USP47: variants seen among roughly 807,000 people sequenced by gnomAD.
USP47 encodes ubiquitin carboxyl-terminal hydrolase 47.
USP47 carries 35 observed loss-of-function variants against 165.1 expected under a neutral mutation model. The ratio of observed to expected loss-of-function variants is 0.21; its 90% CI spans 0.16 to 0.28. The LOEUF is 0.28. Among genes scored for constraint, USP47 ranks in the 10% least tolerant of loss-of-function variants. The pLI is 1.00. For synonymous variants in USP47, 531 were observed against 544.5 expected (o/e 0.98, Z 0.35); for missense variants, 1,277 against 1,607.4 (o/e 0.79, Z 3.52).
At chr11:11,931,913 T>G (rs1301217152) in intron 14 of USP47, among the ~76,000 whole-genome samples, 2 of 152,198 alleles carry the variant, frequency 1.3e-5, no homozygotes, top group African/African-American at 4.8e-5. Flanking sequence ...AATGATTTTT[T>G]GCATATACTT....
At chr11:11,919,367 C>T (rs1300915609) in intron 8 of USP47, among the ~76,000 whole-genome samples, 1 of 151,858 alleles carries the variant, frequency 6.6e-6, no homozygotes. Context: ...AAAGAGAGAA[C>T]ATCAGATGAA....
At chr11:11,846,203 T>C (rs17378517) in intron 1 of USP47, among the ~76,000 whole-genome samples, 25,061 of 152,134 alleles carry the variant, frequency 0.16, 2,501 homozygotes, top group Admixed American at 0.34. Flanking sequence ...TCTCTTTTAA[T>C]AGCATCCCAA....
intron 22 of USP47, 32 bp from the exon 23 acceptor site, chr11:11,949,857 C>G: frequency 6.9e-7 from 1 of 1,456,798 alleles, no homozygotes; most frequent in South Asian, 1.2e-5. Flanking sequence ...AGGTATAATT[C>G]AAGCTCTGAT....
At chr11:11,855,199 G>T (rs1223816844) in intron 1 of USP47, among the ~76,000 whole-genome samples, 1 of 152,136 alleles carries the variant, frequency 6.6e-6, no homozygotes, top group Non-Finnish European at 1.5e-5. Context: ...AGAAAAATTA[G>T]TTTGGTTTAT....
intron 18 of USP47, among the ~76,000 whole-genome samples, chr11:11,939,838 C>T (rs1855343240): frequency 6.6e-6 from 1 of 151,808 alleles, no homozygotes; most frequent in Admixed American, 6.6e-5. Flanking sequence ...TAACTGATGA[C>T]CTTAGTTGCA....
chr11:11,937,149 T>C (rs994374780), intron 17 of USP47, among the ~76,000 whole-genome samples: 3 of 151,916 alleles, frequency 2.0e-5, no homozygotes, highest in Non-Finnish European at 2.9e-5. Flanking sequence ...AGAGACAGTT[T>C]CCCTATAGAC....
At position 11,957,205 on chromosome 11, in the gene USP47, A is replaced by T. The variant is rs1049312695; in HGVS notation, c.*1030A>T. Reference sequence around the variant, plus strand: ...TAGAATGCTTGTAAGTCCAGTTTTAATTTTTAGAGTCAATTTGTAGTTACA... The same window carrying T: ...TAGAATGCTTGTAAGTCCAGTTTTATTTTTTAGAGTCAATTTGTAGTTACA... On this transcript the variant is annotated 3_prime_UTR_variant, in exon 28 of 28. Coordinates refer to ENST00000527733, the MANE Select transcript of USP47 (RefSeq NM_001282659.2). The T allele has an allele frequency of 2.0e-5, 3 of 152,104 alleles. No individual in the cohort carries two copies. The highest frequency in any genetic ancestry group is 2.9e-5 in the Non-Finnish European group (2 of 68,020). 9.4% of individuals were successfully genotyped at this position (152,104 alleles called of 1,614,324 possible).
chr11:11,951,098 A>G (rs1856191469), intron 24 of USP47: 1 of 152,282 alleles, frequency 6.6e-6, no homozygotes, highest in Non-Finnish European at 1.5e-5. Context: ...AATCTGTTCC[A>G]TACTCTCTCC....
chr11:11,869,320 T>C (rs893017344), intron 1 of USP47, among the ~76,000 whole-genome samples: 5 of 152,122 alleles, frequency 3.3e-5, no homozygotes, highest in Admixed American at 2.6e-4. Flanking sequence ...TGAGAATTTT[T>C]TTTTTTTGCT....
chr11:11,885,781 A>G (rs1283318063), intron 3 of USP47, among the ~76,000 whole-genome samples: 1 of 152,140 alleles, frequency 6.6e-6, no homozygotes, highest in Admixed American at 6.6e-5. Flanking sequence ...GCTAAGACCC[A>G]CTGGCTTGGA....
intron 1 of USP47, among the ~76,000 whole-genome samples, chr11:11,877,057 G>GA (rs1051369966): frequency 1.3e-5 from 2 of 151,854 alleles, no homozygotes; most frequent in Admixed American, 6.6e-5. Flanking sequence ...CCCATTTCCA[G>GA]AAAAAACCTT....
chr11:11,900,965 T>A (rs974847528), intron 5 of USP47, among the ~76,000 whole-genome samples: 1 of 152,174 alleles, frequency 6.6e-6, no homozygotes, highest in African/African-American at 2.4e-5. Context: ...GATCTCATAA[T>A]GTCAGTTATA....
In USP47 at chr11:11,894,405, A is replaced by G. The variant is rs1235152104; in HGVS notation, c.496+2299A>G. Among the ~76,000 whole-genome samples the G allele has an allele frequency of 2.6e-5, 4 of 152,138 alleles. No individual in the cohort carries two copies. The East Asian group carries it at 5.8e-4, about 22-fold the overall frequency. On this transcript the variant is annotated intron_variant, in intron 4 of 27. Transcript: ENST00000527733. ...CAGGAGGTGGTTGCAGTGAGCCGAAATTGAGCCACTGCACTCCAGCCTGGG... is the reference window on the plus strand; with the variant it reads ...CAGGAGGTGGTTGCAGTGAGCCGAAGTTGAGCCACTGCACTCCAGCCTGGG...
intron 5 of USP47, among the ~76,000 whole-genome samples, chr11:11,899,224 G>A (rs1240361893): frequency 3.9e-5 from 6 of 152,310 alleles, no homozygotes; most frequent in Non-Finnish European, 7.3e-5. Flanking sequence ...AGACCAGATC[G>A]TTGGACAATG....
chr11:11,922,938 C>T lies in USP47; in HGVS notation c.1386+47C>T, dbSNP rs751070342. 2.6e-6 allele frequency: 4 copies of T among 1,554,304 alleles called. No individual in the cohort carries two copies. The South Asian group carries it at 3.4e-5, about 13-fold the overall frequency. The stretch of plus-strand genomic sequence containing the variant: ...TTTTAGTTGAAAGTGAGAATAATCT[C>T]TGACTTCCTATATAATTCTATAGCT... On this transcript the variant is annotated intron_variant, in intron 11 of 27. Coordinates refer to ENST00000527733, the MANE Select transcript of USP47 (RefSeq NM_001282659.2).
intron 1 of USP47, among the ~76,000 whole-genome samples, chr11:11,850,800 G>A (rs1455487757): frequency 1.3e-5 from 2 of 152,200 alleles, no homozygotes; most frequent in African/African-American, 2.4e-5. Flanking sequence ...TGTGAGTGAG[G>A]CTGGGAAGTC....
intron 8 of USP47, among the ~76,000 whole-genome samples, chr11:11,918,202 C>A (rs1853569510): frequency 2.6e-5 from 4 of 152,030 alleles, no homozygotes; most frequent in Admixed American, 2.6e-4. Flanking sequence ...ATGTATAAAT[C>A]TAATAATGAA....
At chr11:11,873,835 T>A in intron 1 of USP47, 1 of 1,491,268 alleles carries the variant, frequency 6.7e-7, no homozygotes, top group Non-Finnish European at 8.9e-7. Flanking sequence ...ATATCTTTGA[T>A]GAAATGAAGA....
intron 8 of USP47, among the ~76,000 whole-genome samples, chr11:11,913,349 C>T (rs1414842449): frequency 6.7e-6 from 1 of 149,664 alleles, no homozygotes; most frequent in Non-Finnish European, 1.5e-5. Context: ...AATTGTATTT[C>T]AAGATACTAA....
Sources: gnomAD v4.1 joint callset for allele counts (sites outside exome capture counted in the v4.1 genomes callset) on GRCh38, gnomAD v4.1.1 for gene constraint, MANE v1.5 for transcripts, NCBI Gene and HGNC (gene_info 2026-07-23, HGNC 2026-07-21) for gene names.